The following ASIC2 variants were observed in gnomAD, a reference collection of about 807,000 sequenced individuals.
The protein encoded by ASIC2 is acid sensing ion channel subunit 2.
ASIC2 carries 25 observed loss-of-function variants against 57.3 expected under a neutral mutation model. That is an observed-to-expected ratio of 0.44 (90% confidence interval 0.32 to 0.61). The LOEUF (loss-of-function observed/expected upper bound fraction) is 0.61. Ranked by LOEUF, ASIC2 falls within the 20% of genes least tolerant of loss-of-function variation. The pLI, the probability that ASIC2 is intolerant of heterozygous loss-of-function variation, is 0.06. For synonymous variants in ASIC2, 319 were observed against 307.5 expected, an observed-to-expected ratio of 1.04 and a Z score of -0.39; for missense variants, 641 against 738.1, an observed-to-expected ratio of 0.87 and a Z score of 1.52.
chr17:33,585,583 G>A (rs931499377), intron 1 of ASIC2, among the ~76,000 whole-genome samples: 4 of 152,166 alleles, frequency 2.6e-5, no homozygotes, highest in African/African-American at 9.7e-5. Flanking sequence ...CCTGCACTGG[G>A]CATGTGGTCA....
chr17:34,012,381 A>G (rs1906801416), intron 1 of ASIC2, among the ~76,000 whole-genome samples: 1 of 152,184 alleles, frequency 6.6e-6, no homozygotes, highest in Non-Finnish European at 1.5e-5. Flanking sequence ...ACTCCCTTGA[A>G]ACATATGCAA....
At chr17:33,967,227 T>C (rs895221253) in intron 1 of ASIC2, among the ~76,000 whole-genome samples, 2 of 151,736 alleles carry the variant, frequency 1.3e-5, no homozygotes, top group African/African-American at 2.4e-5. Flanking sequence ...CCTAATGTTC[T>C]GATTAGAATT....
chr17:34,088,631 T>C (rs1244962124), intron 1 of ASIC2, among the ~76,000 whole-genome samples: 1 of 152,238 alleles, frequency 6.6e-6, no homozygotes, highest in Non-Finnish European at 1.5e-5. Flanking sequence ...CTGTGCCCTG[T>C]CCCCAGAAGT....
intron 1 of ASIC2, among the ~76,000 whole-genome samples, chr17:33,274,937 G>T (rs979775850): frequency 1.3e-5 from 2 of 152,088 alleles, no homozygotes; most frequent in African/African-American, 4.8e-5. Flanking sequence ...GTGACCAGAT[G>T]ATCCTGGTGC....
chr17:34,129,805 A>G (rs547829182), intron 1 of ASIC2, among the ~76,000 whole-genome samples: 9 of 152,354 alleles, frequency 5.9e-5, no homozygotes, highest in Admixed American at 5.2e-4. Flanking sequence ...CCCAGATCAA[A>G]GCTTCCTTAA....
Position 33,147,021 on chromosome 17 carries a change from A to G in ASIC2, c.709-34954T>C, listed in dbSNP as rs566429870. On this transcript the variant is annotated intron_variant, in intron 1 of 9. Transcript: ENST00000225823. ...GCTCCTTGATATCTTCTAAAGAACT[A>G]TACTCCCCTACTTGGAAAATGTGCT... 2.0e-5 allele frequency among the ~76,000 whole-genome samples: 3 copies of G among 152,304 alleles called. No individual in the cohort carries two copies. The South Asian group carries it at 6.2e-4, about 32-fold the overall frequency.
chr17:34,067,837 T>C (rs188697173), intron 1 of ASIC2, among the ~76,000 whole-genome samples: 96 of 152,294 alleles, frequency 6.3e-4, no homozygotes, highest in Non-Finnish European at 2.9e-4. Flanking sequence ...TTTACCAGAA[T>C]GGGAATCTGT....
intron 6 of ASIC2, 41 bp downstream of exon 6, chr17:33,023,820 A>T: frequency 6.2e-7 from 1 of 1,611,276 alleles, no homozygotes; most frequent in Non-Finnish European, 8.5e-7. Context: ...CTCCTTATCC[A>T]GTTCCCCCTT....
intron 1 of ASIC2, among the ~76,000 whole-genome samples, chr17:33,432,986 C>T (rs747899521): frequency 1.3e-5 from 2 of 152,168 alleles, no homozygotes; most frequent in African/African-American, 2.4e-5. Context: ...TTGTGGAAAA[C>T]GGTGTGGTGA....
chr17:33,102,935 C>T (rs1435874502), intron 2 of ASIC2, among the ~76,000 whole-genome samples: 3 of 152,134 alleles, frequency 2.0e-5, no homozygotes, highest in East Asian at 1.9e-4. Context: ...AGGCGCCCAC[C>T]ACCACGCCCG....
At chr17:33,939,130 G>A (rs1916131134) in intron 1 of ASIC2, among the ~76,000 whole-genome samples, 1 of 152,192 alleles carries the variant, frequency 6.6e-6, no homozygotes, top group African/African-American at 2.4e-5. Context: ...ACATGGGATG[G>A]GACAGAAATT....
At chr17:33,531,838 T>C (rs1915060818) in intron 1 of ASIC2, among the ~76,000 whole-genome samples, 2 of 152,070 alleles carry the variant, frequency 1.3e-5, no homozygotes, top group South Asian at 4.2e-4. Context: ...TCCCTGACTG[T>C]CTCGTGAGCA....
At chr17:33,478,525 G>A (rs571914790) in intron 1 of ASIC2, among the ~76,000 whole-genome samples, 3 of 152,300 alleles carry the variant, frequency 2.0e-5, no homozygotes, top group Non-Finnish European at 4.4e-5. Context: ...GGCCTGAGAG[G>A]TCGCTTCTCT....
At chr17:34,115,214 A>G (rs1911392558) in intron 1 of ASIC2, among the ~76,000 whole-genome samples, 1 of 152,222 alleles carries the variant, frequency 6.6e-6, no homozygotes, top group Non-Finnish European at 1.5e-5. Context: ...ACATTAGCCA[A>G]CTAACCTGTC....
intron 1 of ASIC2, among the ~76,000 whole-genome samples, chr17:33,674,894 G>A (rs766169292): frequency 2.6e-5 from 4 of 152,052 alleles, no homozygotes; most frequent in South Asian, 2.1e-4. Flanking sequence ...CGTGACCTTG[G>A]GTAACTCATT....
chr17:33,385,266 G>A (rs1379060076), intron 1 of ASIC2, among the ~76,000 whole-genome samples: 1 of 152,084 alleles, frequency 6.6e-6, no homozygotes, highest in Non-Finnish European at 1.5e-5. Flanking sequence ...GTTTTTCCCG[G>A]GCTCTTCACT....
chr17:33,643,968 A>G (rs551540186), intron 1 of ASIC2, among the ~76,000 whole-genome samples: 4 of 152,306 alleles, frequency 2.6e-5, no homozygotes, highest in East Asian at 1.9e-4. Flanking sequence ...GTCGCAAACT[A>G]TTGTATTCAT....
In ASIC2 at chr17:33,707,639, G is replaced by A. The variant is rs139030324; in HGVS notation, c.555+448339C>T. Among the ~76,000 whole-genome samples, 499 of 152,196 alleles carry A rather than the reference G, an allele frequency of 3.3e-3. 2 individuals are homozygous for A. Among genetic ancestry groups the A allele is most frequent in the Middle Eastern group, 3.4e-3 (1 of 294 alleles). On this transcript the variant is annotated intron_variant, in intron 1 of 9. Coordinates refer to the ASIC2 transcript ENST00000359872. ...AGAATGTAAATTGGAGAGTTTCCCC[G>A]CATAGTTTTCCCTTCTCTGAGTTCT...
At chr17:34,151,067 C>T (rs2142143897) in intron 1 of ASIC2, among the ~76,000 whole-genome samples, 1 of 143,844 alleles carries the variant, frequency 7.0e-6, no homozygotes, top group African/African-American at 2.6e-5. Flanking sequence ...CGCACAACTG[C>T]ACTCCAGCCT....
Sources: allele counts gnomAD v4.1 joint callset (sites outside exome capture counted in the v4.1 genomes callset), GRCh38; gene constraint gnomAD v4.1.1; transcripts MANE v1.5; gene names NCBI Gene and HGNC (gene_info 2026-07-23, HGNC 2026-07-21).